The following TPD52L1 variants were observed in gnomAD, a reference collection of about 807,000 sequenced individuals.
TPD52L1 encodes the protein tumor protein D53.
Under a neutral mutation model 28.7 loss-of-function variants are expected in TPD52L1, and 18 were observed. The ratio of observed to expected loss-of-function variants is 0.63; its 90% CI spans 0.43 to 0.93. The LOEUF is 0.93. TPD52L1 is among the 40% of genes least tolerant of loss of function. The probability of loss-of-function intolerance (pLI) is 0.00; values close to 1 mark genes in which losing one functional copy is unlikely to be tolerated. For missense variants in TPD52L1, 203 were observed against 254.8 expected (o/e 0.80, Z 1.39); for synonymous variants, 75 against 88.8 (o/e 0.84, Z 0.88).
At chr6:125,235,313 G>A (rs1267991922) in intron 3 of TPD52L1, among the ~76,000 whole-genome samples, 1 of 151,946 alleles carries the variant, frequency 6.6e-6, no homozygotes, top group Admixed American at 6.6e-5. Flanking sequence ...CTTAGACCAG[G>A]CATGTCCAAT....
Position 125,159,984 on chromosome 6 carries a change from G to A in TPD52L1, c.19+6014G>A, listed in dbSNP as rs145173105. Among the ~76,000 whole-genome samples, 10 of 152,200 alleles carry A rather than the reference G, an allele frequency of 6.6e-5. No homozygotes were observed. In the East Asian group the frequency reaches 1.6e-3, roughly 24 times the overall value. ...CTGTTCTCATGATAGCAAGTCTCAC[G>A]AGACATGATGGTTTTATAAAGGGGA... On this transcript the variant is annotated intron_variant, in intron 1 of 6. Coordinates refer to ENST00000534000, the MANE Select transcript of TPD52L1 (RefSeq NM_003287.4).
intron 1 of TPD52L1, among the ~76,000 whole-genome samples, chr6:125,195,974 G>A (rs1296205536): frequency 6.6e-6 from 1 of 152,094 alleles, no homozygotes; most frequent in Admixed American, 6.5e-5. Flanking sequence ...GTATCTCCAG[G>A]ACCTAGAATA....
At chr6:125,202,141 T>C (rs1034224148) in intron 1 of TPD52L1, among the ~76,000 whole-genome samples, 23 of 152,172 alleles carry the variant, frequency 1.5e-4, no homozygotes, top group East Asian at 5.8e-4. Flanking sequence ...CGCCTTTGCA[T>C]TGAAGTTGTG....
rs576627852 is a variant in TPD52L1 at position 125,237,076 on chromosome 6, A to G, written c.284+7810A>G. ...CTGGTATGTTCCAGGGACAGTGAGGAGGCTGGAAGGTCTGGAGCAGAGTAA... is the reference window on the plus strand; with the variant it reads ...CTGGTATGTTCCAGGGACAGTGAGGGGGCTGGAAGGTCTGGAGCAGAGTAA... On this transcript the variant is annotated intron_variant, in intron 3 of 6. Coordinates refer to ENST00000534000, the MANE Select transcript of TPD52L1 (RefSeq NM_003287.4). 6.6e-5 allele frequency among the ~76,000 whole-genome samples: 10 copies of G among 152,284 alleles called. No individual in the cohort carries two copies. In the South Asian group the frequency reaches 2.1e-3, roughly 32 times the overall value.
intron 3 of TPD52L1, among the ~76,000 whole-genome samples, chr6:125,232,188 A>G (rs1795994658): frequency 6.6e-6 from 1 of 152,206 alleles, no homozygotes; most frequent in Non-Finnish European, 1.5e-5. Flanking sequence ...ATTACTTAAT[A>G]AATACAAATG....
chr6:125,210,650 T>C (rs1297293782), intron 1 of TPD52L1, among the ~76,000 whole-genome samples: 2 of 152,226 alleles, frequency 1.3e-5, no homozygotes, highest in African/African-American at 4.8e-5. Flanking sequence ...GACAGAATAA[T>C]AGCTTCTGTT....
intron 1 of TPD52L1, among the ~76,000 whole-genome samples, chr6:125,178,991 T>G (rs532494631): frequency 6.6e-6 from 1 of 152,306 alleles, no homozygotes; most frequent in South Asian, 2.1e-4. Context: ...CTACATTATT[T>G]GATTGGATTT....
intron 1 of TPD52L1, among the ~76,000 whole-genome samples, chr6:125,204,731 G>C (rs1794006954): frequency 6.6e-6 from 1 of 152,212 alleles, no homozygotes; most frequent in South Asian, 2.1e-4. Context: ...CGCCCACCTC[G>C]GCCTCCCAAA....
chr6:125,186,512 T>C (rs1792643232), intron 1 of TPD52L1, among the ~76,000 whole-genome samples: 1 of 152,186 alleles, frequency 6.6e-6, no homozygotes, highest in Non-Finnish European at 1.5e-5. Flanking sequence ...GATGAATTAA[T>C]ATTATATTTA....
At chr6:125,208,247 A>G (rs372005292) in intron 1 of TPD52L1, among the ~76,000 whole-genome samples, 14 of 152,208 alleles carry the variant, frequency 9.2e-5, no homozygotes, top group African/African-American at 3.4e-4. Flanking sequence ...ATTAGAGAGC[A>G]ACAAAGAGTA....
intron 4 of TPD52L1, among the ~76,000 whole-genome samples, chr6:125,249,390 A>C (rs934049342): frequency 1.3e-5 from 2 of 151,726 alleles, no homozygotes; most frequent in African/African-American, 4.8e-5. Context: ...AAAAAGAAAA[A>C]GCTTTGGGCT....
At chr6:125,217,491 G>A (rs1005518305) in intron 1 of TPD52L1, among the ~76,000 whole-genome samples, 4 of 152,198 alleles carry the variant, frequency 2.6e-5, no homozygotes, top group East Asian at 3.9e-4. Flanking sequence ...AATAGGGTTT[G>A]CGGTCCTATG....
At chr6:125,168,354 C>T (rs141641338) in intron 1 of TPD52L1, among the ~76,000 whole-genome samples, 122 of 152,122 alleles carry the variant, frequency 8.0e-4, no homozygotes, top group African/African-American at 2.9e-3. Flanking sequence ...TGAGACCCAC[C>T]ACAGGGATAT....
chr6:125,198,674 T>G (rs1041146835), intron 1 of TPD52L1, among the ~76,000 whole-genome samples: 18 of 152,218 alleles, frequency 1.2e-4, no homozygotes, highest in African/African-American at 4.3e-4. Context: ...GCCTAACACA[T>G]TGTGAACACA....
chr6:125,174,099 G>A (rs1367532618), intron 1 of TPD52L1, among the ~76,000 whole-genome samples: 2 of 152,194 alleles, frequency 1.3e-5, no homozygotes, highest in African/African-American at 4.8e-5. Flanking sequence ...TGGATCTTGT[G>A]ATGATTGAGT....
intron 4 of TPD52L1, chr6:125,252,142 A>G (rs1416987588): frequency 1.3e-5 from 17 of 1,315,588 alleles, no homozygotes; most frequent in Non-Finnish European, 1.8e-5. Context: ...CAACAAAACT[A>G]CACTCTGTTT....
chr6:125,189,443 G>T (rs1252787857), intron 1 of TPD52L1, among the ~76,000 whole-genome samples: 1 of 152,176 alleles, frequency 6.6e-6, no homozygotes, highest in Non-Finnish European at 1.5e-5. Flanking sequence ...GGATTTGGGA[G>T]CAAAGAATTT....
chr6:125,235,715 G>A (rs1410556950), intron 3 of TPD52L1, among the ~76,000 whole-genome samples: 1 of 152,138 alleles, frequency 6.6e-6, no homozygotes, highest in Non-Finnish European at 1.5e-5. Flanking sequence ...TCCAAGTAAT[G>A]TATATAAAAT....
Position 125,215,843 on chromosome 6 carries a change from A to G in TPD52L1, c.20-4235A>G, listed in dbSNP as rs562129362. Among the ~76,000 whole-genome samples, 16 of 152,326 alleles carry G rather than the reference A, an allele frequency of 1.1e-4. No individual in the cohort carries two copies. The East Asian group carries it at 3.1e-3, about 29-fold the overall frequency. On this transcript the variant is annotated intron_variant, in intron 1 of 6. Transcript: ENST00000534000. Reference sequence around the variant, plus strand: ...GTACTAAAGATGTTTGATGTCTTGAAAAGTCTAAGGACCTGGAACTGTTGT... The same window carrying G: ...GTACTAAAGATGTTTGATGTCTTGAGAAGTCTAAGGACCTGGAACTGTTGT...
Sources: allele counts gnomAD v4.1 joint callset (sites outside exome capture counted in the v4.1 genomes callset), GRCh38; gene constraint gnomAD v4.1.1; transcripts MANE v1.5; gene names NCBI Gene and HGNC (gene_info 2026-07-23, HGNC 2026-07-21).